CCSER1: variants seen among roughly 807,000 people sequenced by gnomAD.
CCSER1 encodes the protein serine-rich coiled-coil domain-containing protein 1.
In CCSER1, 41 loss-of-function variants were observed where a neutral mutation model predicts 82.0. That is an observed-to-expected ratio of 0.50 (90% confidence interval 0.39 to 0.65). The LOEUF (loss-of-function observed/expected upper bound fraction) is 0.65, where lower values mean the gene tolerates loss of function less well. Among genes scored for constraint, CCSER1 ranks in the 30% least tolerant of loss-of-function variants. The pLI is 0.00. For missense variants in CCSER1, 1,119 were observed against 1,064.2 expected (o/e 1.05, Z -0.72); for synonymous variants, 414 against 383.9 (o/e 1.08, Z -0.92).
intron 10 of CCSER1, among the ~76,000 whole-genome samples, chr4:91,445,741 C>A (rs1416361057): frequency 6.6e-6 from 1 of 151,932 alleles, no homozygotes; most frequent in African/African-American, 2.4e-5. Context: ...ATATATTACC[C>A]CCAAATTTGC....
chr4:90,813,843 C>T (rs955220855), intron 7 of CCSER1, among the ~76,000 whole-genome samples: 2 of 152,118 alleles, frequency 1.3e-5, no homozygotes, highest in South Asian at 4.1e-4. Flanking sequence ...GTTGGTGGAT[C>T]TATGATTCTG....
intron 8 of CCSER1, among the ~76,000 whole-genome samples, chr4:90,853,920 A>T (rs962781216): frequency 2.2e-4 from 33 of 152,112 alleles, no homozygotes; most frequent in African/African-American, 8.0e-4. Context: ...CAGCCCACCT[A>T]CCCCAATTAT....
At chr4:90,930,691 A>G (rs1452460279) in intron 9 of CCSER1, among the ~76,000 whole-genome samples, 1 of 151,780 alleles carries the variant, frequency 6.6e-6, no homozygotes, top group Non-Finnish European at 1.5e-5. Flanking sequence ...AACACCAAGT[A>G]TAAGCTTGAA....
At chr4:90,412,501 G>A (rs1412814175) in intron 4 of CCSER1, among the ~76,000 whole-genome samples, 12 of 145,654 alleles carry the variant, frequency 8.2e-5, no homozygotes, top group Non-Finnish European at 1.8e-4. Flanking sequence ...GTTAAAAAAA[G>A]ATGCTGAATC....
intron 7 of CCSER1, among the ~76,000 whole-genome samples, chr4:90,747,232 A>AATT (rs1747643149): frequency 6.6e-6 from 1 of 152,214 alleles, no homozygotes; most frequent in Non-Finnish European, 1.5e-5. Context: ...CAAACTTAAT[A>AATT]ATTTCGAGCC....
chr4:90,297,117 A>G (rs973816155), intron 1 of CCSER1, among the ~76,000 whole-genome samples: 5 of 151,836 alleles, frequency 3.3e-5, no homozygotes, highest in Non-Finnish European at 4.4e-5. Context: ...GATTCTTCCT[A>G]CCCATGAGCA....
At chr4:91,563,089 T>TTAAG (rs934233190) in intron 10 of CCSER1, among the ~76,000 whole-genome samples, 15 of 151,678 alleles carry the variant, frequency 9.9e-5, no homozygotes, top group African/African-American at 3.6e-4. Context: ...GGCTTTATTT[T>TTAAG]TAAGTTCTAC....
chr4:90,179,529 C>T (rs1015227814), intron 1 of CCSER1, among the ~76,000 whole-genome samples: 1 of 152,146 alleles, frequency 6.6e-6, no homozygotes, highest in African/African-American at 2.4e-5. Context: ...TATAGTTGTG[C>T]ACCACCATGC....
chr4:90,826,674 A>C (rs1302819273), intron 8 of CCSER1, among the ~76,000 whole-genome samples: 1 of 152,336 alleles, frequency 6.6e-6, no homozygotes, highest in African/African-American at 2.4e-5. Flanking sequence ...ATGACAGTTA[A>C]GATTGAGAGG....
At chr4:90,456,866 G>A (rs574795503) in intron 4 of CCSER1, among the ~76,000 whole-genome samples, 1 of 152,318 alleles carries the variant, frequency 6.6e-6, no homozygotes, top group South Asian at 2.1e-4. Flanking sequence ...AGGATCCTCA[G>A]GGTGTTGCTT....
At chr4:90,830,617 C>T (rs751672815) in intron 8 of CCSER1, among the ~76,000 whole-genome samples, 58 of 152,250 alleles carry the variant, frequency 3.8e-4, no homozygotes, top group Admixed American at 1.3e-3. Flanking sequence ...GCCACAGACA[C>T]AACTGCCCAT....
intron 8 of CCSER1, chr4:90,918,183 T>A (rs1008126100): frequency 4.5e-6 from 2 of 448,590 alleles, no homozygotes; most frequent in African/African-American, 4.0e-5. Flanking sequence ...CATACTAGTG[T>A]CTGTTAATTG....
chr4:91,064,642 G>T (rs754730835), intron 9 of CCSER1, among the ~76,000 whole-genome samples: 2 of 152,226 alleles, frequency 1.3e-5, no homozygotes, highest in Non-Finnish European at 2.9e-5. Flanking sequence ...AAGGAAAGCA[G>T]CTGTTTACTA....
At chr4:90,156,774 C>G (rs191146661) in intron 1 of CCSER1, among the ~76,000 whole-genome samples, 107 of 147,370 alleles carry the variant, frequency 7.3e-4, no homozygotes, top group African/African-American at 2.5e-3. Flanking sequence ...TGTCTCTGCA[C>G]ATGAGATGGG....
At chr4:90,566,513 C>A (rs1779398154) in intron 5 of CCSER1, among the ~76,000 whole-genome samples, 1 of 150,704 alleles carries the variant, frequency 6.6e-6, no homozygotes, top group Non-Finnish European at 1.5e-5. Flanking sequence ...GATCTCCTTA[C>A]TAGTTACTGT....
chr4:91,302,901 A>G (rs1350732291), intron 10 of CCSER1, among the ~76,000 whole-genome samples: 1 of 151,686 alleles, frequency 6.6e-6, no homozygotes, highest in Non-Finnish European at 1.5e-5. Context: ...ATGTTATTAA[A>G]TTATCTAATT....
intron 6 of CCSER1, among the ~76,000 whole-genome samples, chr4:90,651,842 C>G (rs920032765): frequency 2.6e-5 from 4 of 152,136 alleles, no homozygotes; most frequent in Non-Finnish European, 5.9e-5. Context: ...TGTTCCTAAG[C>G]TTGAGATTAT....
intron 1 of CCSER1, among the ~76,000 whole-genome samples, chr4:90,146,321 G>A (rs868627237): frequency 6.6e-6 from 1 of 151,900 alleles, no homozygotes; most frequent in Non-Finnish European, 1.5e-5. Flanking sequence ...AATTTTTATG[G>A]AGCATAAAAT....
intron 9 of CCSER1, among the ~76,000 whole-genome samples, chr4:91,021,345 C>CA (rs1020329680): frequency 4.0e-5 from 6 of 151,166 alleles, no homozygotes; most frequent in Admixed American, 6.6e-5. Flanking sequence ...TGTTTTTATG[C>CA]AAAAAAAATT....
Sources: gnomAD v4.1 joint callset for allele counts (sites outside exome capture counted in the v4.1 genomes callset) on GRCh38, gnomAD v4.1.1 for gene constraint, MANE v1.5 for transcripts, NCBI Gene and HGNC (gene_info 2026-07-23, HGNC 2026-07-21) for gene names.